UNC79: variants seen among roughly 807,000 people sequenced by gnomAD.
UNC79 encodes the protein protein unc-79 homolog.
A neutral mutation model predicts 283.1 loss-of-function variants in UNC79; 37 were observed. That is an observed-to-expected ratio of 0.13 (90% CI 0.10 to 0.17). UNC79 has a LOEUF of 0.17. Ranked by LOEUF, UNC79 falls within the 10% of genes least tolerant of loss-of-function variation. The pLI is 1.00. For missense variants in UNC79, 2,272 were observed against 3,211.1 expected (o/e 0.71, Z 7.07); for synonymous variants, 1,107 against 1,200.2 (o/e 0.92, Z 1.61).
At chr14:93,613,873 T>A (rs2066490873) in intron 27 of UNC79, among the ~76,000 whole-genome samples, 1 of 152,206 alleles carries the variant, frequency 6.6e-6, no homozygotes, top group Non-Finnish European at 1.5e-5. Context: ...AGAAGGAGGT[T>A]CTAATATTCA....
chr14:93,568,551 G>A (rs1415682139), intron 14 of UNC79, among the ~76,000 whole-genome samples: 3 of 152,094 alleles, frequency 2.0e-5, no homozygotes, highest in Non-Finnish European at 4.4e-5. Flanking sequence ...GCGGGTGGCT[G>A]TAATCCCAGC....
At chr14:93,572,516 T>G (rs2063264367) in intron 15 of UNC79, among the ~76,000 whole-genome samples, 177 bp from the exon 16 acceptor site, 1 of 152,236 alleles carries the variant, frequency 6.6e-6, no homozygotes, top group Admixed American at 6.5e-5. Flanking sequence ...AGATCTCTAT[T>G]TCAATGACAT....
intron 7 of UNC79, among the ~76,000 whole-genome samples, chr14:93,522,599 C>A (rs867249250): frequency 6.6e-6 from 1 of 152,050 alleles, no homozygotes; most frequent in African/African-American, 2.4e-5. Context: ...CTTGACTTTA[C>A]CATATATGGG....
intron 14 of UNC79, among the ~76,000 whole-genome samples, chr14:93,553,123 G>A (rs765701411): frequency 2.0e-5 from 3 of 152,314 alleles, no homozygotes; most frequent in Middle Eastern, 3.4e-3. Context: ...ATTGCCATAA[G>A]TTAAGAATAC....
intron 40 of UNC79, among the ~76,000 whole-genome samples, chr14:93,668,315 T>C (rs1467581247): frequency 6.6e-6 from 1 of 152,178 alleles, no homozygotes; most frequent in Non-Finnish European, 1.5e-5. Context: ...TGGATACAAA[T>C]GAATACCCAG....
At chr14:93,349,579 T>G (rs2053941960) in intron 1 of UNC79, among the ~76,000 whole-genome samples, 3 of 152,232 alleles carry the variant, frequency 2.0e-5, no homozygotes, top group Admixed American at 2.0e-4. Context: ...TTTTATGGGC[T>G]GATCTCTCCT....
intron 5 of UNC79, among the ~76,000 whole-genome samples, chr14:93,491,516 C>A (rs79536376): frequency 0.013 from 1,917 of 152,200 alleles, 19 homozygotes; most frequent in Middle Eastern, 0.024. Context: ...GGATTCACAT[C>A]TGAGCTTACC....
At chr14:93,333,337 C>T in exon 1 of UNC79, 1 of 398,350 alleles carries the variant, frequency 2.5e-6, no homozygotes, top group Non-Finnish European at 4.4e-6. Context: ...AATATAAGAA[C>T]TGTGTCACTA....
At chr14:93,586,968 T>G (rs1186280785) in intron 22 of UNC79, 60 bp downstream of exon 22, 1 of 1,574,424 alleles carries the variant, frequency 6.4e-7, no homozygotes, top group African/African-American at 1.4e-5. Context: ...TTGTGAAAAT[T>G]AAAGTTAGAT....
intron 1 of UNC79, among the ~76,000 whole-genome samples, chr14:93,458,313 CAG>C (rs1169960688): frequency 6.6e-6 from 1 of 152,160 alleles, no homozygotes; most frequent in Non-Finnish European, 1.5e-5. Flanking sequence ...TTGGCAAAAA[CAG>C]AACAGAACAA....
At chr14:93,427,183 G>A (rs141188074), upstream of UNC79, among the ~76,000 whole-genome samples, 210 of 152,182 alleles carry the variant, frequency 1.4e-3, no homozygotes, top group African/African-American at 4.8e-3. Context: ...CCTTTACTGT[G>A]GCTCTCTCTT....
intron 11 of UNC79, among the ~76,000 whole-genome samples, chr14:93,536,884 A>AT (rs933864770): frequency 4.8e-5 from 7 of 144,750 alleles, no homozygotes; most frequent in African/African-American, 1.0e-4. Flanking sequence ...CCTTGCTATC[A>AT]TTTTTTTCCT....
chr14:93,607,844 A>G (rs2065994281), intron 26 of UNC79, among the ~76,000 whole-genome samples: 1 of 152,188 alleles, frequency 6.6e-6, no homozygotes, highest in South Asian at 2.1e-4. Context: ...CCAGCCTAGA[A>G]TTCCAAATAG....
chr14:93,610,128 GAGA>G (rs1219209838), intron 26 of UNC79, among the ~76,000 whole-genome samples: 1 of 152,118 alleles, frequency 6.6e-6, no homozygotes, highest in African/African-American at 2.4e-5. Flanking sequence ...CACTTGTAAT[GAGA>G]AGAAGGGTTT....
chr14:93,694,371 A>T, exon 47 of UNC79: 1 of 1,611,846 alleles, frequency 6.2e-7, no homozygotes, highest in East Asian at 2.2e-5. Context: ...GATTAGTTTA[A>T]TGGAGGCATT....
At chr14:93,466,168 GTAT>G (rs2057170276) in intron 1 of UNC79, among the ~76,000 whole-genome samples, 1 of 152,202 alleles carries the variant, frequency 6.6e-6, no homozygotes, top group South Asian at 2.1e-4. Flanking sequence ...TAGACTCAAG[GTAT>G]TATTATCTGC....
chr14:93,698,332 C>T (rs191764759), intron 47 of UNC79, among the ~76,000 whole-genome samples: 1 of 152,112 alleles, frequency 6.6e-6, no homozygotes, highest in Admixed American at 6.5e-5. Context: ...ATTGAAATAT[C>T]TCTGAATGTG....
intron 40 of UNC79, among the ~76,000 whole-genome samples, chr14:93,671,577 A>T (rs189636358): frequency 2.0e-4 from 30 of 152,290 alleles, no homozygotes; most frequent in African/African-American, 6.5e-4. Flanking sequence ...GTACAAGACC[A>T]GCCTGACCAA....
chr14:93,660,835 C>T (rs2071528203), intron 39 of UNC79, among the ~76,000 whole-genome samples: 1 of 151,874 alleles, frequency 6.6e-6, no homozygotes, highest in Admixed American at 6.6e-5. Flanking sequence ...AGTGATCCAC[C>T]AGCCTCAGCC....
Sources: gnomAD v4.1 joint callset for allele counts (sites outside exome capture counted in the v4.1 genomes callset) on GRCh38, gnomAD v4.1.1 for gene constraint, MANE v1.5 for transcripts, NCBI Gene and HGNC (gene_info 2026-07-23, HGNC 2026-07-21) for gene names.